SEMA6D: variants seen among roughly 807,000 people sequenced by gnomAD.
SEMA6D encodes the protein semaphorin 6D, also known as semaphorin-6D.
SEMA6D carries 35 observed loss-of-function variants against 106.6 expected under a neutral mutation model. The ratio of observed to expected loss-of-function variants is 0.33; its 90% CI spans 0.25 to 0.44. The LOEUF (loss-of-function observed/expected upper bound fraction) is 0.44, where lower values mean the gene tolerates loss of function less well. Ranked by LOEUF, SEMA6D falls within the 20% of genes least tolerant of loss-of-function variation. The probability of loss-of-function intolerance (pLI) is 1.00; values close to 1 mark genes in which losing one functional copy is unlikely to be tolerated. For synonymous variants in SEMA6D, 499 were observed against 487.7 expected, an observed-to-expected ratio of 1.02 and a Z score of -0.31; for missense variants, 1,185 against 1,345.9, an observed-to-expected ratio of 0.88 and a Z score of 1.87.
chr15:47,719,813 T>C (rs1166987507), intron 1 of SEMA6D, among the ~76,000 whole-genome samples: 1 of 152,232 alleles, frequency 6.6e-6, no homozygotes, highest in Non-Finnish European at 1.5e-5. Flanking sequence ...CCTTACTCTC[T>C]TAGGTGTCTA....
At chr15:47,677,971 A>T (rs942828122) in intron 4 of SEMA6D, among the ~76,000 whole-genome samples, 1 of 152,192 alleles carries the variant, frequency 6.6e-6, no homozygotes, top group Non-Finnish European at 1.5e-5. Context: ...CCTCAATAGA[A>T]AAAAAGGGAG....
intron 1 of SEMA6D, among the ~76,000 whole-genome samples, chr15:47,738,109 G>T (rs770314845): frequency 1.3e-4 from 19 of 151,644 alleles, no homozygotes; most frequent in Non-Finnish European, 2.4e-4. Flanking sequence ...TGCCATGGTG[G>T]TTTGCTGCAC....
intron 4 of SEMA6D, among the ~76,000 whole-genome samples, chr15:47,619,781 AATG>A (rs994559024): frequency 1.2e-4 from 19 of 152,214 alleles, no homozygotes; most frequent in Admixed American, 9.8e-4. Flanking sequence ...TTAAAAATGA[AATG>A]ATGATGAAAA....
chr15:47,475,363 A>G (rs1284506703), intron 3 of SEMA6D, among the ~76,000 whole-genome samples: 2 of 152,206 alleles, frequency 1.3e-5, no homozygotes, highest in African/African-American at 4.8e-5. Context: ...GAATAGCTAA[A>G]TCTTGTCACA....
At chr15:47,276,796 A>G (rs141434597) in intron 1 of SEMA6D, among the ~76,000 whole-genome samples, 157 of 152,284 alleles carry the variant, frequency 1.0e-3, no homozygotes, top group African/African-American at 3.5e-3. Flanking sequence ...TTAGTAAATA[A>G]TTTTGTAAGG....
chr15:47,205,303 C>T (rs1024455629), intron 1 of SEMA6D, among the ~76,000 whole-genome samples: 2 of 152,044 alleles, frequency 1.3e-5, no homozygotes, highest in East Asian at 3.9e-4. Context: ...TAACAGTTTC[C>T]ACATGTGTCC....
At chr15:47,464,490 A>G (rs539500280) in intron 2 of SEMA6D, among the ~76,000 whole-genome samples, 13 of 152,158 alleles carry the variant, frequency 8.5e-5, no homozygotes, top group African/African-American at 3.1e-4. Flanking sequence ...GTCCATGCCA[A>G]GGACTCCTGA....
At position 47,773,478 on chromosome 15, in the gene SEMA6D, C is replaced by G. The variant is rs527861169; in HGVS notation, c.*1693C>G. The G allele has an allele frequency of 6.6e-6, 1 of 152,568 alleles. No individual in the cohort carries two copies. The highest frequency in any genetic ancestry group is 2.4e-5 in the African/African-American group (1 of 41,542). The allele number at this position is 152,568 out of a possible 1,614,324, so 9.5% of individuals were successfully genotyped here. The stretch of plus-strand genomic sequence containing the variant: ...CACACCACACACTTGTTTAGTGAAC[C>G]AAATCTAGAAAGTACCAAGGCAGAG... On this transcript the variant is annotated 3_prime_UTR_variant, in exon 19 of 19. Transcript: ENST00000536845.
intron 2 of SEMA6D, chr15:47,470,423 T>G (rs1221453676): frequency 1.3e-5 from 2 of 151,554 alleles, no homozygotes; most frequent in Non-Finnish European, 2.9e-5. Flanking sequence ...TTTCACAGCA[T>G]TTGTAGCTAT....
intron 4 of SEMA6D, among the ~76,000 whole-genome samples, chr15:47,654,894 T>G (rs2077762328): frequency 6.6e-6 from 1 of 152,216 alleles, no homozygotes; most frequent in African/African-American, 2.4e-5. Flanking sequence ...CTTTATCAGT[T>G]ACTCAGTCTC....
At chr15:47,696,755 C>A (rs2078707514) in intron 4 of SEMA6D, among the ~76,000 whole-genome samples, 1 of 152,128 alleles carries the variant, frequency 6.6e-6, no homozygotes, top group African/African-American at 2.4e-5. Context: ...CACAGCTGAG[C>A]ATTTGGAATT....
chr15:47,452,024 G>A (rs1271992612), intron 2 of SEMA6D, among the ~76,000 whole-genome samples: 1 of 151,968 alleles, frequency 6.6e-6, no homozygotes, highest in African/African-American at 2.4e-5. Flanking sequence ...GGTACTTAGT[G>A]TTGGTATCTT....
intron 3 of SEMA6D, among the ~76,000 whole-genome samples, chr15:47,538,113 G>A (rs975776733): frequency 1.3e-5 from 2 of 152,148 alleles, no homozygotes; most frequent in African/African-American, 4.8e-5. Flanking sequence ...AGACTAAGAT[G>A]TGATCAGAGA....
chr15:47,199,221 G>T (rs1894555412), intron 1 of SEMA6D, among the ~76,000 whole-genome samples: 2 of 152,150 alleles, frequency 1.3e-5, no homozygotes. Flanking sequence ...TAATGAAGAG[G>T]TTTATATTAA....
At chr15:47,336,198 G>A (rs2037548241) in intron 1 of SEMA6D, among the ~76,000 whole-genome samples, 1 of 152,204 alleles carries the variant, frequency 6.6e-6, no homozygotes, top group Admixed American at 6.5e-5. Flanking sequence ...TTTGTGTGAA[G>A]TGGTTGTGTC....
chr15:47,368,140 A>G (rs764067751), intron 1 of SEMA6D, among the ~76,000 whole-genome samples: 2 of 152,196 alleles, frequency 1.3e-5, no homozygotes, highest in African/African-American at 2.4e-5. Flanking sequence ...AGCCATTGCA[A>G]TAGTCATCTC....
intron 1 of SEMA6D, among the ~76,000 whole-genome samples, chr15:47,188,272 C>A (rs1489302018): frequency 6.6e-6 from 1 of 152,058 alleles, no homozygotes; most frequent in Admixed American, 6.6e-5. Context: ...TTCAAATAAG[C>A]CCATTTAAAT....
At chr15:47,476,676 T>C (rs2043010704) in intron 3 of SEMA6D, among the ~76,000 whole-genome samples, 1 of 152,170 alleles carries the variant, frequency 6.6e-6, no homozygotes, top group East Asian at 1.9e-4. Flanking sequence ...AAAGCAGTGC[T>C]GACACGCCCC....
intron 1 of SEMA6D, among the ~76,000 whole-genome samples, chr15:47,304,144 G>A (rs2036132396): frequency 6.6e-6 from 1 of 151,970 alleles, no homozygotes; most frequent in Non-Finnish European, 1.5e-5. Context: ...TATACTATAA[G>A]TAGCACCTCT....
Sources: gnomAD v4.1 joint callset for allele counts (sites outside exome capture counted in the v4.1 genomes callset) on GRCh38, gnomAD v4.1.1 for gene constraint, MANE v1.5 for transcripts, NCBI Gene and HGNC (gene_info 2026-07-23, HGNC 2026-07-21) for gene names.